Variants in FSTL4 observed in about 807,000 individuals in gnomAD.
FSTL4 encodes follistatin-related protein 4.
A neutral mutation model predicts 78.2 loss-of-function variants in FSTL4; 28 were observed. The observed-to-expected ratio is 0.36, with a 90% CI of 0.27 to 0.49. FSTL4 has a LOEUF of 0.49. FSTL4 is among the 20% of genes least tolerant of loss of function. FSTL4 has a pLI of 0.98. For synonymous variants in FSTL4, 422 were observed against 440.5 expected (o/e 0.96, Z 0.53); for missense variants, 922 against 1,084.9 (o/e 0.85, Z 2.11).
upstream of FSTL4, among the ~76,000 whole-genome samples, chr5:133,616,307 C>T (rs1411170516): frequency 9.7e-6 from 1 of 102,872 alleles, no homozygotes; most frequent in African/African-American, 3.8e-5. Context: ...ATGTGAAAAT[C>T]TAAATCTATC....
chr5:133,367,065 C>T (rs1755196318), intron 4 of FSTL4, among the ~76,000 whole-genome samples: 1 of 152,186 alleles, frequency 6.6e-6, no homozygotes. Flanking sequence ...GAAATAGTGA[C>T]TCTGTTAGCT....
intron 11 of FSTL4, among the ~76,000 whole-genome samples, chr5:133,221,912 T>TTTTTTTTG (rs1581540166): frequency 1.8e-5 from 2 of 113,968 alleles, no homozygotes; most frequent in East Asian, 2.1e-4. Flanking sequence ...TTTTTTTTTT[T>TTTTTTTTG]TTTTTTTTTT....
intron 4 of FSTL4, among the ~76,000 whole-genome samples, chr5:133,334,508 A>G (rs1410681136): frequency 6.6e-6 from 1 of 152,042 alleles, no homozygotes; most frequent in Non-Finnish European, 1.5e-5. Context: ...GGGCACTGGT[A>G]AGATTCTGTC....
chr5:133,461,324 G>A lies in FSTL4; in HGVS notation c.161-60338C>T, dbSNP rs140235014. On this transcript the variant is annotated intron_variant, in intron 3 of 15. Coordinates refer to ENST00000265342, the MANE Select transcript of FSTL4 (RefSeq NM_015082.2). ...AACAGACTGATTACCTCCAGAAGTG[G>A]TTCTTCAAGAACAGGGTGACTGTCA... 2.0e-3 allele frequency among the ~76,000 whole-genome samples: 311 copies of A among 152,314 alleles called. 3 individuals are homozygous for A. Among genetic ancestry groups the A allele is most frequent in the Middle Eastern group, 3.4e-3 (1 of 294 alleles).
At chr5:133,825,124 C>T in the FSTL4 span, among the ~76,000 whole-genome samples, 11 of 152,170 alleles carry the variant, frequency 7.2e-5, no homozygotes, top group South Asian at 2.1e-4. Flanking sequence ...CTCAGTGCCT[C>T]GCTGCACTCA....
intron 3 of FSTL4, among the ~76,000 whole-genome samples, chr5:133,496,363 G>GCT (rs143509980): frequency 6.6e-6 from 1 of 151,952 alleles, no homozygotes; most frequent in Admixed American, 6.6e-5. Flanking sequence ...CTGACACTCA[G>GCT]CTCTCTCTCT....
intron 3 of FSTL4, among the ~76,000 whole-genome samples, chr5:133,524,927 C>T (rs1487077194): frequency 3.3e-5 from 5 of 152,034 alleles, no homozygotes; most frequent in Non-Finnish European, 7.3e-5. Context: ...TTTGGAGTCA[C>T]CTAATCTTGC....
intron 4 of FSTL4, among the ~76,000 whole-genome samples, chr5:133,339,074 T>C (rs1054850950): frequency 1.6e-4 from 25 of 152,130 alleles, no homozygotes; most frequent in African/African-American, 5.6e-4. Flanking sequence ...TCCAGCCTCA[T>C]CCTTCCCCAC....
At chr5:133,362,738 C>T (rs1430802364) in intron 4 of FSTL4, among the ~76,000 whole-genome samples, 1 of 152,250 alleles carries the variant, frequency 6.6e-6, no homozygotes, top group Non-Finnish European at 1.5e-5. Context: ...ACAGGAGGTG[C>T]TTCCAGGCCT....
At chr5:133,274,007 A>G (rs1752824623) in intron 6 of FSTL4, among the ~76,000 whole-genome samples, 1 of 152,218 alleles carries the variant, frequency 6.6e-6, no homozygotes. Flanking sequence ...CTTGGGGAAC[A>G]AAGTCTTCCA....
chr5:133,795,678 ACT>A, the FSTL4 span, among the ~76,000 whole-genome samples: 2 of 152,066 alleles, frequency 1.3e-5, no homozygotes, highest in African/African-American at 2.4e-5. Context: ...ATCTTAGAAG[ACT>A]CTACCGCCAT....
At chr5:133,676,445 T>C in the FSTL4 span, among the ~76,000 whole-genome samples, 1 of 152,240 alleles carries the variant, frequency 6.6e-6, no homozygotes, top group East Asian at 1.9e-4. Context: ...TTTTTACTAA[T>C]TAGTTTCTTC....
intron 3 of FSTL4, among the ~76,000 whole-genome samples, chr5:133,430,842 G>A (rs1756920273): frequency 6.6e-6 from 1 of 152,178 alleles, no homozygotes; most frequent in African/African-American, 2.4e-5. Context: ...AGGGGGGTCA[G>A]CAGAGTCTTC....
intron 4 of FSTL4, among the ~76,000 whole-genome samples, chr5:133,340,237 C>T (rs62375984): frequency 0.15 from 22,776 of 152,098 alleles, 1,924 homozygotes; most frequent in East Asian, 0.37. Flanking sequence ...CCTTGCCTGG[C>T]CTGGCTCCAG....
At chr5:133,214,500 C>T (rs1427799084) in intron 13 of FSTL4, among the ~76,000 whole-genome samples, 1 of 152,164 alleles carries the variant, frequency 6.6e-6, no homozygotes, top group Non-Finnish European at 1.5e-5. Context: ...AATTTATACC[C>T]ACAATTCTTA....
chr5:133,480,920 A>T (rs1232349112), intron 3 of FSTL4, among the ~76,000 whole-genome samples: 1 of 152,204 alleles, frequency 6.6e-6, no homozygotes, highest in Non-Finnish European at 1.5e-5. Flanking sequence ...GCAGCTCCCG[A>T]CACCAAACAG....
At chr5:133,533,961 A>G (rs1759304631) in intron 3 of FSTL4, among the ~76,000 whole-genome samples, 1 of 152,124 alleles carries the variant, frequency 6.6e-6, no homozygotes, top group Admixed American at 6.5e-5. Context: ...CTGAAACCTC[A>G]GGCCTAATAC....
intron 14 of FSTL4, among the ~76,000 whole-genome samples, chr5:133,205,084 T>C (rs759557662): frequency 2.6e-5 from 4 of 152,210 alleles, no homozygotes; most frequent in Non-Finnish European, 2.9e-5. Flanking sequence ...ATGCTTTCAG[T>C]GTTTTGCCAT....
At chr5:133,821,437 G>A in the FSTL4 span, among the ~76,000 whole-genome samples, 3 of 152,184 alleles carry the variant, frequency 2.0e-5, no homozygotes, top group Admixed American at 2.0e-4. Context: ...CTGGCTTGCT[G>A]GGACAATTCA....
Sources: gnomAD v4.1 joint callset for allele counts (sites outside exome capture counted in the v4.1 genomes callset) on GRCh38, gnomAD v4.1.1 for gene constraint, MANE v1.5 for transcripts, NCBI Gene and HGNC (gene_info 2026-07-23, HGNC 2026-07-21) for gene names.